Variants in VSTM2B observed in about 807,000 individuals in gnomAD.
The protein encoded by VSTM2B is V-set and transmembrane domain containing 2B.
Under a neutral mutation model 24.0 loss-of-function variants are expected in VSTM2B, and 24 were observed. The ratio of observed to expected loss-of-function variants is 1.00; its 90% CI spans 0.72 to 1.40. The LOEUF (loss-of-function observed/expected upper bound fraction) is 1.40, where lower values mean the gene tolerates loss of function less well. VSTM2B is among the 40% of genes most tolerant of loss of function. VSTM2B has a pLI of 0.00. For synonymous variants in VSTM2B, 226 were observed against 194.4 expected, an observed-to-expected ratio of 1.16 and a Z score of -1.35; for missense variants, 399 against 416.4, an observed-to-expected ratio of 0.96 and a Z score of 0.36.
Position 29,530,154 on chromosome 19 carries a change from C to G in VSTM2B, c.633C>G (p.Ile211Met). The G allele has an allele frequency of 6.8e-7, 1 of 1,472,082 alleles. No homozygotes were observed. The highest frequency in any genetic ancestry group is 8.9e-7 in the Non-Finnish European group (1 of 1,118,726). The allele number at this position is 1,472,082 out of a possible 1,614,324, so 91.2% of individuals were successfully genotyped here. Residue 211 changes from isoleucine (I) to methionine (M), a missense_variant, in exon 4 of 5, where the codon ATC (isoleucine) becomes ATG (methionine). By Grantham distance (10) the Ile-to-Met change is conservative. Transcript: ENST00000335523. ...SPPPGSPPAA[I>M]DPAVPEAAAA... ...CGCCCGGGAGCCCTCCCGCCGCCAT[C>G]GATCCCGCAGTCCCCGAGGCCGCGG...
At chr19:29,555,996 C>G (rs1454061519) in intron 4 of VSTM2B, among the ~76,000 whole-genome samples, 1 of 152,092 alleles carries the variant, frequency 6.6e-6, no homozygotes, top group African/African-American at 2.4e-5. Context: ...GGAGCTGTTA[C>G]CATTTCTTCT....
chr19:29,543,517 G>A lies in VSTM2B; in HGVS notation c.769+13227G>A, dbSNP rs115185357. Among the ~76,000 whole-genome samples, 1,498 of 152,372 alleles carry A rather than the reference G, an allele frequency of 9.8e-3. 26 individuals are homozygous for A. The highest frequency in any genetic ancestry group is 0.035 in the African/African-American group (1,435 of 41,582). On this transcript the variant is annotated intron_variant, in intron 4 of 4. Coordinates refer to ENST00000335523, the MANE Select transcript of VSTM2B (RefSeq NM_001146339.2). ...TGTTAGGTCCTGCATGTGCTGGCTGGAGGGACCTACAGCCTCCTCCCGGAC... is the reference window on the plus strand; with the variant it reads ...TGTTAGGTCCTGCATGTGCTGGCTGAAGGGACCTACAGCCTCCTCCCGGAC...
Position 29,527,415 on chromosome 19 carries a change from G to A in VSTM2B, c.267+20G>A, listed in dbSNP as rs1432591605. On this transcript the variant is annotated intron_variant, in intron 2 of 4. Coordinates refer to ENST00000335523, the MANE Select transcript of VSTM2B (RefSeq NM_001146339.2). Reference sequence around the variant, plus strand: ...AGCAAGGTAACCCGCCGCCCACGCGGTACCGGCGCGCGCCCGGCTCGCGCC... The same window carrying A: ...AGCAAGGTAACCCGCCGCCCACGCGATACCGGCGCGCGCCCGGCTCGCGCC... The A allele has an allele frequency of 3.4e-6, 5 of 1,462,064 alleles. No individual in the cohort carries two copies. The highest frequency in any genetic ancestry group is 4.5e-6 in the Non-Finnish European group (5 of 1,114,620). The allele number at this position is 1,462,064 out of a possible 1,614,324, so 90.6% of individuals were successfully genotyped here.
At chr19:29,549,211 A>G (rs184552250) in intron 4 of VSTM2B, among the ~76,000 whole-genome samples, 86 of 152,356 alleles carry the variant, frequency 5.6e-4, no homozygotes, top group South Asian at 2.3e-3. Context: ...GACAGCCCTC[A>G]GGTGGCCACT....
intron 4 of VSTM2B, among the ~76,000 whole-genome samples, chr19:29,534,736 A>C (rs1056602382): frequency 6.6e-6 from 1 of 151,916 alleles, no homozygotes; most frequent in African/African-American, 2.4e-5. Context: ...AAAAGAAAGA[A>C]AGAAAGAAAA....
intron 1 of VSTM2B, 97 bp from the exon 2 acceptor site, chr19:29,527,114 C>G (rs1969596518): frequency 1.8e-5 from 21 of 1,151,016 alleles, no homozygotes; most frequent in Non-Finnish European, 2.2e-5. Flanking sequence ...GTGGGGGGCA[C>G]AAGGCCAGCC....
At chr19:29,554,192 CA>C (rs1280967962) in intron 4 of VSTM2B, among the ~76,000 whole-genome samples, 1 of 152,198 alleles carries the variant, frequency 6.6e-6, no homozygotes, top group Non-Finnish European at 1.5e-5. Context: ...AGATCACCTA[CA>C]GAGGGAAGCC....
chr19:29,528,357 G>C (rs1204984219), intron 2 of VSTM2B, 76 bp from the exon 3 acceptor site: 22 of 1,545,006 alleles, frequency 1.4e-5, no homozygotes, highest in Non-Finnish European at 1.8e-5. Context: ...GGGTGCCCTT[G>C]CCTAAAGGCG....
intron 4 of VSTM2B, among the ~76,000 whole-genome samples, chr19:29,536,577 G>C (rs1298793694): frequency 6.6e-6 from 1 of 152,160 alleles, no homozygotes; most frequent in African/African-American, 2.4e-5. Context: ...AGCACTTACT[G>C]TGTGCCACGC....
chr19:29,535,744 G>C lies in VSTM2B; in HGVS notation c.769+5454G>C, dbSNP rs537768853. On this transcript the variant is annotated intron_variant, in intron 4 of 4. Coordinates refer to ENST00000335523, the MANE Select transcript of VSTM2B (RefSeq NM_001146339.2). ...ATAGAGCTGAAGGAATGGCACACAC[G>C]TGACCCAGGAGAATCGCGATGCAGC... 1.8e-3 allele frequency among the ~76,000 whole-genome samples: 279 copies of C among 152,202 alleles called. 2 individuals are homozygous for C. Among genetic ancestry groups the C allele is most frequent in the African/African-American group, 6.4e-3 (266 of 41,518 alleles).
Position 29,530,212 on chromosome 19 carries a change from G to C in VSTM2B, c.691G>C (p.Val231Leu). 6.7e-7 allele frequency: 1 copy of C among 1,503,014 alleles called. No homozygotes were observed. Among genetic ancestry groups the C allele is most frequent in the Non-Finnish European group, 8.8e-7 (1 of 1,132,980 alleles). 93.1% of individuals were successfully genotyped at this position (1,503,014 alleles called of 1,614,324 possible). The change falls in exon 4 of 5, where the codon GTC becomes CTC. Residue 231 changes from valine (V) to leucine (L), a missense_variant. Coordinates refer to ENST00000335523, the MANE Select transcript of VSTM2B (RefSeq NM_001146339.2). ...ASAAHTPTTT[V>L]AAAAAASSAS... The stretch of plus-strand genomic sequence containing the variant: ...GGCGGCCCACACGCCCACCACCACA[G>C]TCGCGGCAGCTGCTGCTGCCTCGTC...
At chr19:29,540,173 G>A (rs1483880635) in intron 4 of VSTM2B, among the ~76,000 whole-genome samples, 2 of 152,252 alleles carry the variant, frequency 1.3e-5, no homozygotes, top group African/African-American at 2.4e-5. Context: ...GGCTCAGTCC[G>A]AGTGGGGGGT....
chr19:29,537,865 G>A (rs543770555), intron 4 of VSTM2B, among the ~76,000 whole-genome samples: 5 of 151,520 alleles, frequency 3.3e-5, no homozygotes, highest in Non-Finnish European at 5.9e-5. Context: ...CCCAATGCCC[G>A]CTAGAGACCG....
chr19:29,531,111 G>A (rs1281829029), intron 4 of VSTM2B, among the ~76,000 whole-genome samples: 1 of 151,036 alleles, frequency 6.6e-6, no homozygotes, highest in Non-Finnish European at 1.5e-5. Flanking sequence ...GGGTGGGGGC[G>A]GTGGGGGGCG....
chr19:29,531,010 G>A (rs1969744781), intron 4 of VSTM2B, among the ~76,000 whole-genome samples: 1 of 149,320 alleles, frequency 6.7e-6, no homozygotes, highest in Non-Finnish European at 1.5e-5. Flanking sequence ...ATGGGGGGCG[G>A]GATGTGAGAA....
intron 4 of VSTM2B, among the ~76,000 whole-genome samples, chr19:29,549,013 G>T (rs1959066052): frequency 6.6e-6 from 1 of 152,196 alleles, no homozygotes; most frequent in Non-Finnish European, 1.5e-5. Context: ...AGAGCAGCCG[G>T]CCCCCACCCA....
At chr19:29,536,558 C>T (rs531129066) in intron 4 of VSTM2B, among the ~76,000 whole-genome samples, 1 of 152,306 alleles carries the variant, frequency 6.6e-6, no homozygotes, top group African/African-American at 2.4e-5. Flanking sequence ...TAACATTTGC[C>T]TTTTACTGAG....
At chr19:29,529,795 G>A (rs1378516810) in intron 3 of VSTM2B, 24 bp from the exon 4 acceptor site, 1 of 1,544,620 alleles carries the variant, frequency 6.5e-7, no homozygotes, top group Non-Finnish European at 8.7e-7. Context: ...GCCCAGCCCG[G>A]CCTCTAACCC....
chr19:29,531,597 G>A (rs553404014), intron 4 of VSTM2B, among the ~76,000 whole-genome samples: 14 of 152,256 alleles, frequency 9.2e-5, no homozygotes, highest in African/African-American at 3.1e-4. Context: ...TGTAGCAGCC[G>A]CCTCAGTGCG....
Sources: gnomAD v4.1 joint callset for allele counts (sites outside exome capture counted in the v4.1 genomes callset) on GRCh38, gnomAD v4.1.1 for gene constraint, MANE v1.5 for transcripts, NCBI Gene and HGNC (gene_info 2026-07-23, HGNC 2026-07-21) for gene names.